The following LPCAT4 variants were observed in gnomAD, a reference collection of about 807,000 sequenced individuals.
The protein encoded by LPCAT4 is lysophospholipid acyltransferase LPCAT4.
LPCAT4 carries 30 observed loss-of-function variants against 66.5 expected under a neutral mutation model. The ratio of observed to expected loss-of-function variants is 0.45; its 90% CI spans 0.34 to 0.61. The LOEUF (loss-of-function observed/expected upper bound fraction) is 0.61, where lower values mean the gene tolerates loss of function less well. LPCAT4 is among the 20% of genes least tolerant of loss of function. The probability of loss-of-function intolerance (pLI) is 0.01; values close to 1 mark genes in which losing one functional copy is unlikely to be tolerated. For synonymous variants in LPCAT4, 253 were observed against 262.1 expected (o/e 0.97, Z 0.34); for missense variants, 557 against 656.7 (o/e 0.85, Z 1.66).
chr15:34,359,804 C>G (rs542263739), intron 12 of LPCAT4, 59 bp from the exon 13 acceptor site: 32 of 1,522,802 alleles, frequency 2.1e-5, no homozygotes, highest in Non-Finnish European at 2.6e-5. Flanking sequence ...CTCACCCTGC[C>G]CCACAGACTG....
Position 34,363,807 on chromosome 15 carries a change from A to G in LPCAT4, c.653-88T>C. On this transcript the variant is annotated intron_variant, in intron 5 of 13. Coordinates refer to ENST00000314891, the MANE Select transcript of LPCAT4 (RefSeq NM_153613.3). This position sits in a 1 kb window ranked among gnomAD's most constrained non-coding sequence, Gnocchi z 4.3. ...GGCATGAGGTATGGCAGTCTGGGAC[A>G]GTTCTCAAATGAGATATGGTTTTGT... 1 of 1,488,560 alleles carries G rather than the reference A, an allele frequency of 6.7e-7. No individual in the cohort carries two copies. Among genetic ancestry groups the G allele is most frequent in the Non-Finnish European group, 9.4e-7 (1 of 1,067,802 alleles). 92.2% of individuals were successfully genotyped at this position (1,488,560 alleles called of 1,614,324 possible).
At chr15:34,365,432 A>G in intron 2 of LPCAT4, 127 bp downstream of exon 2, 1 of 1,333,988 alleles carries the variant, frequency 7.5e-7, no homozygotes, top group Non-Finnish European at 1.0e-6. Flanking sequence ...AGCTTGGCTG[A>G]CTCATCTCAT....
At position 34,365,550 on chromosome 15, in the gene LPCAT4, C is replaced by T. The variant is rs896098209; in HGVS notation, c.257+9G>A. 6.2e-7 allele frequency: 1 copy of T among 1,614,200 alleles called. No individual in the cohort carries two copies. ...AAGTAGGGTCTCTGGGGGCTGATCC[C>T]TCACTTACTTCCTCCATCCTGTAAT... is the stretch of plus-strand genomic sequence containing the variant. On this transcript the variant is annotated intron_variant, in intron 2 of 13. Coordinates refer to ENST00000314891, the MANE Select transcript of LPCAT4 (RefSeq NM_153613.3).
chr15:34,364,676 A>C, intron 3 of LPCAT4: 1 of 280,472 alleles, frequency 3.6e-6, no homozygotes, highest in Non-Finnish European at 6.6e-6. Flanking sequence ...CTGGTCTCGA[A>C]CTCCCGACCT....
At position 34,363,160 on chromosome 15, in the gene LPCAT4, T is replaced by A. The variant is rs112853550; in HGVS notation, c.746+262A>T. Among the ~76,000 whole-genome samples the A allele has an allele frequency of 6.6e-6, 1 of 152,132 alleles. No individual in the cohort carries two copies. The highest frequency in any genetic ancestry group is 1.5e-5 in the Non-Finnish European group (1 of 67,972). ...GGTGATGGTTCTCAGGAAGGGATAA[T>A]TGAGGGAGAAAATCACAGAAACATG... On this transcript the variant is annotated intron_variant, in intron 7 of 13. Coordinates refer to ENST00000314891, the MANE Select transcript of LPCAT4 (RefSeq NM_153613.3). This position sits in a 1 kb window ranked among gnomAD's most constrained non-coding sequence, Gnocchi z 4.3.
In LPCAT4 at chr15:34,359,616, C is replaced by T; in HGVS notation, c.1372G>A (p.Ala458Thr). Residue 458 changes from alanine (A) to threonine (T), a missense_variant, in exon 13 of 14, where the codon GCA becomes ACA. Physicochemically the swap from Ala to Thr is moderately conservative, Grantham distance 58 (BLOSUM62 0). Around this residue, in one of 4 missense-constraint regions of LPCAT4, gnomAD observed 392 missense variants for 473.9 expected, o/e 0.83. Coordinates refer to ENST00000314891, the MANE Select transcript of LPCAT4 (RefSeq NM_153613.3). Reference protein sequence around the residue: ...ATALHAELCQAGSSQGLSLCQ... With the variant: ...ATALHAELCQTGSSQGLSLCQ... ...AGGGAGAGGCCTTGGCTGGATCCTG[C>T]CTGGCACAGCTCAGCATGCAAAGCT... 6.2e-7 allele frequency: 1 copy of T among 1,612,872 alleles called. No individual in the cohort carries two copies.
chr15:34,366,610 ACGCCCC>A lies in LPCAT4; in HGVS notation c.114+371_114+376del, dbSNP rs1041430207. ...GTCATGCCTCGGAGGAATACTCGGC[ACGCCCC>A]CGCCCCCGCCCCCACCCCCGGCTTC... On this transcript the variant is annotated intron_variant, in intron 1 of 13. Coordinates refer to ENST00000314891, the MANE Select transcript of LPCAT4 (RefSeq NM_153613.3). Among the ~76,000 whole-genome samples the A allele has an allele frequency of 6.6e-5, 10 of 151,302 alleles. No individual in the cohort carries two copies. The East Asian group carries it at 1.4e-3, about 21-fold the overall frequency.
Position 34,359,593 on chromosome 15 carries a change from G to C in LPCAT4, c.1395C>G (p.Ser465=). Residue 465 remains serine (S), a synonymous_variant, in exon 13 of 14, where the codon TCC becomes TCG. Coordinates refer to ENST00000314891, the MANE Select transcript of LPCAT4 (RefSeq NM_153613.3). ...LCQAGSSQGL[S]LCQFQNFSLH... is the part of the protein sequence containing the mutation. ...GCTGAGAAGGCAGTGACTCACAGAG[G>C]GAGAGGCCTTGGCTGGATCCTGCCT... 1 of 1,612,012 alleles carries C rather than the reference G, an allele frequency of 6.2e-7. No homozygotes were observed.
Position 34,359,720 on chromosome 15 carries a change from C to T in LPCAT4, c.1268G>A (p.Gly423Asp). The change falls in exon 13 of 14, where the codon GGT becomes GAT. Residue 423 changes from glycine to aspartate, a missense_variant. Gly to Asp is a moderately conservative substitution (Grantham distance 94). Coordinates refer to ENST00000314891, the MANE Select transcript of LPCAT4 (RefSeq NM_153613.3). ...GTCTTTGTACAGCAGGCGGTTGGGACCCTCTGCTTGCTCTTCAGCAAAGAG... is the reference window on the plus strand; with the variant it reads ...GTCTTTGTACAGCAGGCGGTTGGGATCCTCTGCTTGCTCTTCAGCAAAGAG... ...FELFAEEQAE[G>D]PNRLLYKDGF... The T allele has an allele frequency of 6.2e-7, 1 of 1,613,404 alleles. No homozygotes were observed. The highest frequency in any genetic ancestry group is 8.5e-7 in the Non-Finnish European group (1 of 1,179,862).
chr15:34,364,234 TC>T lies in LPCAT4; in HGVS notation c.550del (p.Glu184ArgfsTer124). 6.2e-7 allele frequency: 1 copy of T among 1,613,838 alleles called. No homozygotes were observed. Among genetic ancestry groups the T allele is most frequent in the Non-Finnish European group, 8.5e-7 (1 of 1,179,784 alleles). On this transcript the variant is annotated frameshift_variant, in exon 4 of 14. Transcript: ENST00000314891. LOFTEE classifies it high-confidence loss of function. ...TCCTGAGGTGGCCCGCCTTCGGACCTCCTCCACCACTCTGCGTCGAGAAGCC... is the reference window on the plus strand; with the variant it reads ...TCCTGAGGTGGCCCGCCTTCGGACCTCTCCACCACTCTGCGTCGAGAAGCC... ...DPASRRRVVE[E>X]VRRRATSGGK...
At chr15:34,360,398 A>G (rs982789087) in intron 11 of LPCAT4, among the ~76,000 whole-genome samples, 189 bp from the exon 12 acceptor site, 8 of 152,226 alleles carry the variant, frequency 5.3e-5, no homozygotes, top group Non-Finnish European at 1.0e-4. Flanking sequence ...TTCTCAAGCT[A>G]TATCAGGTCA....
chr15:34,364,586 G>A (rs558015093), intron 3 of LPCAT4: 3 of 129,494 alleles, frequency 2.3e-5, no homozygotes, highest in East Asian at 1.8e-4. Flanking sequence ...ACCACGCCCG[G>A]CTAATTTTTT....
In LPCAT4 at chr15:34,359,755, GA is replaced by G; in HGVS notation, c.1243-11del. The stretch of plus-strand genomic sequence containing the variant: ...GCTCTTCAGCAAAGAGCTTGGGAGA[GA>G]AAGGGATAAGAGTCAAGTTCTCTCC... On this transcript the variant is annotated splice_polypyrimidine_tract_variant and intron_variant, in intron 12 of 13. Transcript: ENST00000314891. 1 of 1,608,612 alleles carries G rather than the reference GA, an allele frequency of 6.2e-7. No homozygotes were observed. Among genetic ancestry groups the G allele is most frequent in the Non-Finnish European group, 8.5e-7 (1 of 1,177,814 alleles).
intron 9 of LPCAT4, 33 bp downstream of exon 9, chr15:34,362,540 A>C (rs1451928741): frequency 6.5e-7 from 1 of 1,527,888 alleles, no homozygotes; most frequent in African/African-American, 1.4e-5. Context: ...GCCCTGTGCA[A>C]CTGCTCCAGG....
chr15:34,363,790 G>GCA lies in LPCAT4; in HGVS notation c.653-72_653-71insTG. 2 of 1,551,120 alleles carry GCA rather than the reference G, an allele frequency of 1.3e-6. No individual in the cohort carries two copies. Among genetic ancestry groups the GCA allele is most frequent in the South Asian group, 2.2e-5 (2 of 89,738 alleles). The stretch of plus-strand genomic sequence containing the variant: ...CACAGAAGTAGCTAGAGGGCATGAG[G>GCA]TATGGCAGTCTGGGACAGTTCTCAA... On this transcript the variant is annotated intron_variant, in intron 5 of 13. Coordinates refer to ENST00000314891, the MANE Select transcript of LPCAT4 (RefSeq NM_153613.3). The surrounding 1 kb of genome is among the most constrained non-coding windows in gnomAD (Gnocchi z 4.3).
chr15:34,361,414 C>G lies in LPCAT4; in HGVS notation c.1129G>C (p.Gly377Arg), dbSNP rs1299541109. Residue 377 changes from glycine (G) to arginine (R), a missense_variant, in exon 11 of 14, where the codon GGC becomes CGC. Physicochemically the swap from Gly to Arg is moderately radical, Grantham distance 125. Transcript: ENST00000314891. ...SDPQTVAGAF[G>R]YFQQDTKGLV... ...AGCTCCTTTACCTGCTGGAAGTAGCCAAAGGCACCAGCCACCGTCTGAGGA... is the reference window on the plus strand; with the variant it reads ...AGCTCCTTTACCTGCTGGAAGTAGCGAAAGGCACCAGCCACCGTCTGAGGA... The G allele has an allele frequency of 2.5e-6, 4 of 1,614,070 alleles. No homozygotes were observed. In the South Asian group the frequency reaches 4.4e-5, roughly 18 times the overall value.
In LPCAT4 at chr15:34,367,145, C is replaced by T; in HGVS notation, c.-45G>A. The T allele has an allele frequency of 6.7e-7, 1 of 1,485,434 alleles. No individual in the cohort carries two copies. Among genetic ancestry groups the T allele is most frequent in the Non-Finnish European group, 9.0e-7 (1 of 1,114,564 alleles). The allele number at this position is 1,485,434 out of a possible 1,614,324, so 92.0% of individuals were successfully genotyped here. The stretch of plus-strand genomic sequence containing the variant: ...GAGGGCACCCCGGCCCTGGCCCCGG[C>T]CACCACTCTGCAGAGCAGCTGCTGC... On this transcript the variant is annotated 5_prime_UTR_variant, in exon 1 of 14. Coordinates refer to ENST00000314891, the MANE Select transcript of LPCAT4 (RefSeq NM_153613.3).
At chr15:34,366,882 G>T in intron 1 of LPCAT4, 105 bp downstream of exon 1, 5 of 1,495,190 alleles carry the variant, frequency 3.3e-6, no homozygotes, top group Non-Finnish European at 4.5e-6. Context: ...AAGCCTCTCA[G>T]CCATCTCCTT....
chr15:34,360,176 C>A lies in LPCAT4; in HGVS notation c.1177G>T (p.Ala393Ser). Residue 393 changes from alanine to serine, a missense_variant, in exon 12 of 14, where the codon GCC becomes TCC. Physicochemically the swap from Ala to Ser is moderately conservative, Grantham distance 99. Coordinates refer to ENST00000314891, the MANE Select transcript of LPCAT4 (RefSeq NM_153613.3). Reference sequence around the variant, plus strand: ...CCATCCAGAGCTGCTAGTGCAAGGGCCACATCTCGGAAGTCCACCAAACCC... The same window carrying A: ...CCATCCAGAGCTGCTAGTGCAAGGGACACATCTCGGAAGTCCACCAAACCC... The part of the protein sequence containing the change: ...TKGLVDFRDV[A>S]LALAALDGGR... 6.2e-7 allele frequency: 1 copy of A among 1,614,026 alleles called. No individual in the cohort carries two copies. The highest frequency in any genetic ancestry group is 8.5e-7 in the Non-Finnish European group (1 of 1,179,978).
Sources: allele counts gnomAD v4.1 joint callset (sites outside exome capture counted in the v4.1 genomes callset), GRCh38; gene constraint gnomAD v4.1.1; regional missense constraint gnomAD v4.1.1; non-coding constraint Gnocchi (gnomAD v3.1); transcripts MANE v1.5; gene names NCBI Gene and HGNC (gene_info 2026-07-23, HGNC 2026-07-21).